The following AAAS variants were observed in gnomAD, a reference collection of about 807,000 sequenced individuals.
AAAS encodes the protein aladin.
In AAAS, 60 loss-of-function variants were observed where a neutral mutation model predicts 75.6. The ratio of observed to expected loss-of-function variants is 0.79; its 90% CI spans 0.64 to 0.98. The LOEUF is 0.98. Ranked by LOEUF, AAAS falls within the 50% of genes least tolerant of loss-of-function variation. The probability of loss-of-function intolerance (pLI) is 0.00; values close to 1 mark genes in which losing one functional copy is unlikely to be tolerated. For missense variants in AAAS, 658 were observed against 686.9 expected (o/e 0.96, Z 0.47); for synonymous variants, 271 against 265.0 (o/e 1.02, Z -0.22).
At chr12:53,317,473 A>T (rs1944481679) in intron 2 of AAAS, among the ~76,000 whole-genome samples, 1 of 151,746 alleles carries the variant, frequency 6.6e-6, no homozygotes, top group Admixed American at 6.6e-5. Context: ...ACGAGAATGG[A>T]GTGAACTCGG....
In AAAS at chr12:53,314,753, G is replaced by A; in HGVS notation, c.543C>T (p.Ser181=). The change falls in exon 6 of 16, where the codon AGC becomes AGT. Residue 181 remains serine (S), a splice_region_variant and synonymous_variant. Transcript: ENST00000209873. ...LDDSVRVYNA[S]STIVPSLKHR... ...CCACCTGGTGTCCCCACACACACCT[G>A]CTGGCATTATACACACGGACTGAGT... is the stretch of plus-strand genomic sequence containing the variant. 6.2e-7 allele frequency: 1 copy of A among 1,613,252 alleles called. No individual in the cohort carries two copies. Among genetic ancestry groups the A allele is most frequent in the Non-Finnish European group, 8.5e-7 (1 of 1,179,850 alleles).
intron 8 of AAAS, 127 bp from the exon 9 acceptor site, chr12:53,309,408 C>A: frequency 6.6e-7 from 1 of 1,524,402 alleles, no homozygotes; most frequent in Non-Finnish European, 9.0e-7. Flanking sequence ...AAACATGAGG[C>A]ACGGGTTCAT....
At chr12:53,308,929 C>T in intron 10 of AAAS, 31 bp downstream of exon 10, 1 of 1,614,114 alleles carries the variant, frequency 6.2e-7, no homozygotes, top group Non-Finnish European at 8.5e-7. Context: ...CATCTCCTCC[C>T]CAGTGTCTGT....
intron 2 of AAAS, among the ~76,000 whole-genome samples, chr12:53,317,773 T>TA (rs1447850531): frequency 6.7e-6 from 1 of 149,716 alleles, no homozygotes; most frequent in African/African-American, 2.5e-5. Context: ...TTCAGGAACC[T>TA]AGGAAAAAGG....
intron 2 of AAAS, among the ~76,000 whole-genome samples, chr12:53,317,617 C>T (rs1944484833): frequency 6.6e-6 from 1 of 151,472 alleles, no homozygotes; most frequent in Non-Finnish European, 1.5e-5. Flanking sequence ...GTGGTGTGCA[C>T]CTGTAGTCCC....
chr12:53,309,645 C>A lies in AAAS; in HGVS notation c.766G>T (p.Gly256Trp), dbSNP rs199575080. 6.0e-5 allele frequency: 96 copies of A among 1,613,434 alleles called. No homozygotes were observed. The highest frequency in any genetic ancestry group is 8.0e-5 in the African/African-American group (6 of 74,934). ...PVTSLAWAPSGGRLLSASPVD... is the reference protein window; with the variant it reads ...PVTSLAWAPSWGRLLSASPVD... ...GGTGAAGCTGAGAGCAGCCGCCCCCCACTGGGGGCCCAGGCCAAGCTGGTA... is the reference window on the plus strand; with the variant it reads ...GGTGAAGCTGAGAGCAGCCGCCCCCAACTGGGGGCCCAGGCCAAGCTGGTA... The change falls in exon 8 of 16, where the codon GGG becomes TGG. Residue 256 changes from glycine to tryptophan, a missense_variant. Transcript: ENST00000209873.
In AAAS at chr12:53,321,487, T is replaced by C; in HGVS notation, c.-22A>G. The stretch of plus-strand genomic sequence containing the variant: ...ACATCTTGCCGGTTCGCAGGACGTC[T>C]GCAGTCGGCAAACTCCTGGCCGGAA... On this transcript the variant is annotated 5_prime_UTR_variant, in exon 1 of 16. Coordinates refer to ENST00000209873, the MANE Select transcript of AAAS (RefSeq NM_015665.6). 1 of 1,613,670 alleles carries C rather than the reference T, an allele frequency of 6.2e-7. No homozygotes were observed. The highest frequency in any genetic ancestry group is 8.5e-7 in the Non-Finnish European group (1 of 1,179,934).
intron 7 of AAAS, among the ~76,000 whole-genome samples, chr12:53,312,657 T>C (rs957988175): frequency 6.6e-6 from 1 of 151,956 alleles, no homozygotes; most frequent in Non-Finnish European, 1.5e-5. Context: ...TCTTCTATTT[T>C]CTCCCGTATC....
At chr12:53,309,894 G>T in intron 7 of AAAS, 173 bp from the exon 8 acceptor site, 1 of 1,025,356 alleles carries the variant, frequency 9.8e-7, no homozygotes, top group East Asian at 2.6e-5. Context: ...AAACAGCGAA[G>T]GGGAAAAACG....
rs1944558934 is a variant in AAAS at position 53,321,552 on chromosome 12, G to A, written c.-87C>T. 6.9e-6 allele frequency: 11 copies of A among 1,603,808 alleles called. No individual in the cohort carries two copies. The highest frequency in any genetic ancestry group is 9.3e-6 in the Non-Finnish European group (11 of 1,177,716). On this transcript the variant is annotated 5_prime_UTR_variant, in exon 1 of 16. Transcript: ENST00000209873. Reference sequence around the variant, plus strand: ...CTCCCGCAACTCGGTTCCCGGGCTAGATTCGTATGCGGACGGGTACCGCAA... The same window carrying A: ...CTCCCGCAACTCGGTTCCCGGGCTAAATTCGTATGCGGACGGGTACCGCAA...
Position 53,320,628 on chromosome 12 carries a change from T to G in AAAS, c.188A>C (p.His63Pro). The change falls in exon 2 of 16, where the codon CAT (histidine) becomes CCT (proline). Residue 63 changes from histidine (H) to proline (P), a missense_variant. Physicochemically the swap from His to Pro is moderately conservative, Grantham distance 77. Coordinates refer to ENST00000209873, the MANE Select transcript of AAAS (RefSeq NM_015665.6). ...DPLKTPGRLD[H>P]GTRTAFIHHR... ...ATGGATGAAGGCAGTTCTTGTGCCA[T>G]GGTCCAGCCTTCCAGGGGTCTTTAG... 1 of 1,614,220 alleles carries G rather than the reference T, an allele frequency of 6.2e-7. No individual in the cohort carries two copies.
At chr12:53,315,661 T>C in intron 3 of AAAS, 66 bp downstream of exon 3, 1 of 1,569,820 alleles carries the variant, frequency 6.4e-7, no homozygotes, top group Non-Finnish European at 8.7e-7. Flanking sequence ...GTGTCGGGGG[T>C]GAGTTCAAGA....
chr12:53,308,300 G>C lies in AAAS; in HGVS notation c.1231C>G (p.Leu411Val). The C allele has an allele frequency of 1.2e-6, 2 of 1,614,204 alleles. No homozygotes were observed. Among genetic ancestry groups the C allele is most frequent in the Non-Finnish European group, 8.5e-7 (1 of 1,180,046 alleles). Residue 411 changes from leucine (L) to valine (V), a missense_variant, in exon 13 of 16, where the codon CTG becomes GTG. Coordinates refer to ENST00000209873, the MANE Select transcript of AAAS (RefSeq NM_015665.6). ...CTCTCACCTTTCATAAGCACAGCCA[G>C]ACGTTCCCCACTGGGGTCCCAGACC... ...SMVWDPSGER[L>V]AVLMKGKPRV...
chr12:53,318,223 AGTGT>A lies in AAAS; in HGVS notation c.251+2338_251+2341del, dbSNP rs71443291. Among the ~76,000 whole-genome samples, 1,228 of 136,994 alleles carry A rather than the reference AGTGT, an allele frequency of 9.0e-3. 23 individuals carry two copies. The highest frequency in any genetic ancestry group is 0.036 in the South Asian group (137 of 3,826). The allele number at this position is 136,994 out of a possible 152,430, so 89.9% of individuals were successfully genotyped here. A position where few individuals can be genotyped will look rare whatever the true frequency, so the allele number is the denominator to read the frequency against. ...AAATTTTTTGTAGAGATGGGGTTTC[AGTGT>A]GTGTGTGTGTGTGTGTGCGTGTGTG... On this transcript the variant is annotated intron_variant, in intron 2 of 15. Coordinates refer to ENST00000209873, the MANE Select transcript of AAAS (RefSeq NM_015665.6).
In AAAS at chr12:53,315,120, G is replaced by C. The variant is rs376897011; in HGVS notation, c.420C>G (p.Ile140Met). ...AATTTGTGACTTGGGCAAATTCAGC[G>C]ATCAGATCTTCGCTCCTGAGCTGTA... The part of the protein sequence containing the change: ...PHLSLRSEDL[I>M]AEFAQVTNWS... Residue 140 changes from isoleucine to methionine, a missense_variant, in exon 5 of 16, where the codon ATC (isoleucine) becomes ATG (methionine). Transcript: ENST00000209873. 10 of 1,614,004 alleles carry C rather than the reference G, an allele frequency of 6.2e-6. No homozygotes were observed. Among genetic ancestry groups the C allele is most frequent in the Non-Finnish European group, 8.5e-6 (10 of 1,180,024 alleles).
intron 1 of AAAS, 182 bp downstream of exon 1, chr12:53,321,158 TCCC>T (rs1341543044): frequency 3.4e-6 from 3 of 874,720 alleles, no homozygotes; most frequent in Admixed American, 5.7e-5. Context: ...CCTTAACCGT[TCCC>T]CCGTTATACT....
chr12:53,321,206 T>C (rs887320467), intron 1 of AAAS, 137 bp downstream of exon 1: 74 of 1,370,100 alleles, frequency 5.4e-5, no homozygotes, highest in Non-Finnish European at 7.1e-5. Flanking sequence ...CCAGCCCTTC[T>C]AGCCTCCTGC....
At position 53,314,294 on chromosome 12, in the gene AAAS, T is replaced by C. The variant is rs548631510; in HGVS notation, c.689+4A>G. Reference sequence around the variant, plus strand: ...CCAAGGTAAGGCAGGCTACTAGGACTTACCGGGTAGACAAGGAGGTAGGGT... The same window carrying C: ...CCAAGGTAAGGCAGGCTACTAGGACCTACCGGGTAGACAAGGAGGTAGGGT... On this transcript the variant is annotated splice_donor_region_variant and intron_variant, in intron 7 of 15. Transcript: ENST00000209873. 2.4e-4 allele frequency: 392 copies of C among 1,614,148 alleles called. 2 individuals carry two copies. In the South Asian group the frequency reaches 4.2e-3, roughly 17 times the overall value.
At position 53,309,644 on chromosome 12, in the gene AAAS, C is replaced by T; in HGVS notation, c.767G>A (p.Gly256Glu). The change falls in exon 8 of 16, where the codon GGG becomes GAG. Residue 256 changes from glycine (G) to glutamate (E), a missense_variant. Gly to Glu is a moderately conservative substitution (Grantham distance 98). Transcript: ENST00000209873. ...PVTSLAWAPS[G>E]GRLLSASPVD... is the part of the protein sequence containing the mutation. ...GGGTGAAGCTGAGAGCAGCCGCCCC[C>T]CACTGGGGGCCCAGGCCAAGCTGGT... 3 of 1,613,536 alleles carry T rather than the reference C, an allele frequency of 1.9e-6. No homozygotes were observed. Among genetic ancestry groups the T allele is most frequent in the Non-Finnish European group, 2.5e-6 (3 of 1,179,898 alleles).
Sources: gnomAD v4.1 joint callset for allele counts (sites outside exome capture counted in the v4.1 genomes callset) on GRCh38, gnomAD v4.1.1 for gene constraint, MANE v1.5 for transcripts, NCBI Gene and HGNC (gene_info 2026-07-23, HGNC 2026-07-21) for gene names.